Variants in ARHGAP12 observed in about 807,000 individuals in gnomAD.
ARHGAP12 encodes rho GTPase-activating protein 12.
ARHGAP12 carries 64 observed loss-of-function variants against 108.6 expected under a neutral mutation model. That is an observed-to-expected ratio of 0.59 (90% CI 0.48 to 0.73). The LOEUF (loss-of-function observed/expected upper bound fraction) is 0.73. Among genes scored for constraint, ARHGAP12 ranks in the 30% least tolerant of loss-of-function variants. The pLI is 0.00. For missense variants in ARHGAP12, 940 were observed against 1,005.9 expected (o/e 0.93, Z 0.89); for synonymous variants, 312 against 337.2 (o/e 0.93, Z 0.82).
intron 3 of ARHGAP12, among the ~76,000 whole-genome samples, chr10:31,894,050 C>T (rs1035010729): frequency 6.6e-6 from 1 of 152,150 alleles, no homozygotes; most frequent in African/African-American, 2.4e-5. Context: ...TTCAACAGCC[C>T]TTCATGCTAA....
chr10:31,837,161 A>G (rs1483220244), intron 9 of ARHGAP12, among the ~76,000 whole-genome samples: 2 of 152,244 alleles, frequency 1.3e-5, no homozygotes, highest in Non-Finnish European at 2.9e-5. Flanking sequence ...TAACAAAATG[A>G]AAATAATGTA....
chr10:31,814,458 C>T, intron 13 of ARHGAP12, 97 bp from the exon 14 acceptor site: 1 of 1,008,398 alleles, frequency 9.9e-7, no homozygotes. Context: ...AATGACTCTT[C>T]CAAACAATTT....
intron 1 of ARHGAP12, among the ~76,000 whole-genome samples, chr10:31,918,792 A>G (rs556180109): frequency 1.3e-5 from 2 of 152,380 alleles, no homozygotes; most frequent in African/African-American, 4.8e-5. Flanking sequence ...GTGGAAATGT[A>G]AAGTGGTACA....
intron 3 of ARHGAP12, among the ~76,000 whole-genome samples, chr10:31,876,546 CAAA>C (rs57573841): frequency 4.4e-5 from 6 of 136,662 alleles, no homozygotes; most frequent in African/African-American, 1.6e-4. Flanking sequence ...AAAAAACCAC[CAAA>C]AAAAAAAAAA....
intron 3 of ARHGAP12, among the ~76,000 whole-genome samples, chr10:31,902,132 T>A (rs917100139): frequency 4.6e-5 from 7 of 152,170 alleles, no homozygotes; most frequent in Non-Finnish European, 1.0e-4. Flanking sequence ...CTGATTTCGA[T>A]ACTTATTGTA....
chr10:31,856,862 T>C (rs1354519392), intron 4 of ARHGAP12, among the ~76,000 whole-genome samples: 1 of 152,064 alleles, frequency 6.6e-6, no homozygotes, highest in African/African-American at 2.4e-5. Context: ...ACACTAGAGA[T>C]ACAACAAATA....
chr10:31,817,298 T>G (rs570373335), intron 13 of ARHGAP12, among the ~76,000 whole-genome samples: 1 of 152,252 alleles, frequency 6.6e-6, no homozygotes, highest in African/African-American at 2.4e-5. Context: ...GGTTGTTGTA[T>G]ATAAAGAAGA....
chr10:31,888,998 C>T (rs1450347101), intron 3 of ARHGAP12, among the ~76,000 whole-genome samples: 2 of 152,036 alleles, frequency 1.3e-5, no homozygotes, highest in Admixed American at 1.3e-4. Context: ...CAACCTCTGC[C>T]TCCCAGGTTC....
chr10:31,867,323 G>C (rs1837365300), intron 3 of ARHGAP12, among the ~76,000 whole-genome samples: 1 of 152,030 alleles, frequency 6.6e-6, no homozygotes, highest in African/African-American at 2.4e-5. Flanking sequence ...GAAATACTCT[G>C]ATCTCTGGCA....
intron 6 of ARHGAP12, among the ~76,000 whole-genome samples, chr10:31,847,455 G>A (rs1336704704): frequency 1.3e-5 from 2 of 152,102 alleles, no homozygotes; most frequent in Admixed American, 6.5e-5. Flanking sequence ...GCTACCCAGA[G>A]GCCAGTCTGA....
chr10:31,839,857 G>T lies in ARHGAP12; in HGVS notation c.1297-146C>A, dbSNP rs191697821. The T allele has an allele frequency of 2.5e-3, 1,237 of 503,144 alleles. 7 individuals are homozygous for T. The highest frequency in any genetic ancestry group is 2.0e-3 in the Non-Finnish European group (586 of 300,168). 31.2% of individuals were successfully genotyped at this position (503,144 alleles called of 1,614,324 possible). ...CTATATTCAGCTCCAAGCTAATAAGGTAATGATTTTAAAACTACAAACGTT... is the reference window on the plus strand; with the variant it reads ...CTATATTCAGCTCCAAGCTAATAAGTTAATGATTTTAAAACTACAAACGTT... On this transcript the variant is annotated intron_variant, in intron 7 of 19. Coordinates refer to ENST00000344936, the MANE Select transcript of ARHGAP12 (RefSeq NM_018287.7).
At chr10:31,831,679 G>T in intron 10 of ARHGAP12, 60 bp downstream of exon 10, 2 of 1,169,170 alleles carry the variant, frequency 1.7e-6, no homozygotes, top group African/African-American at 1.6e-5. Flanking sequence ...TAATTATATT[G>T]AGAATTTTTA....
intron 3 of ARHGAP12, among the ~76,000 whole-genome samples, chr10:31,894,100 AAAT>A (rs1375126613): frequency 4.6e-5 from 7 of 152,186 alleles, no homozygotes; most frequent in Non-Finnish European, 1.0e-4. Context: ...ATGTATCTCA[AAAT>A]AATAAGAGCT....
Position 31,861,557 on chromosome 10 carries a change from G to C in ARHGAP12, c.786C>G (p.Ser262Arg). The C allele has an allele frequency of 1.2e-6, 2 of 1,614,136 alleles. No homozygotes were observed. Among genetic ancestry groups the C allele is most frequent in the African/African-American group, 1.3e-5 (1 of 75,020 alleles). The change falls in exon 4 of 20, where the codon AGC becomes AGG. Residue 262 changes from serine (S) to arginine (R), a missense_variant. By Grantham distance (110) the Ser-to-Arg change is moderately radical. Coordinates refer to ENST00000344936, the MANE Select transcript of ARHGAP12 (RefSeq NM_018287.7). ...ATTCTCCATTAATCTGAATTGCCGGGCTCCCAGGAAGTGGGGGAAGAGCAG... is the reference window on the plus strand; with the variant it reads ...ATTCTCCATTAATCTGAATTGCCGGCCTCCCAGGAAGTGGGGGAAGAGCAG... ...SQSALPPLPG[S>R]PAIQINGEWE...
intron 3 of ARHGAP12, among the ~76,000 whole-genome samples, chr10:31,877,867 A>T (rs1163492255): frequency 6.6e-6 from 1 of 152,194 alleles, no homozygotes; most frequent in African/African-American, 2.4e-5. Context: ...CAAGGCGGGC[A>T]CATAGCTTGA....
chr10:31,822,003 C>T (rs1009905175), intron 11 of ARHGAP12, among the ~76,000 whole-genome samples: 1 of 151,610 alleles, frequency 6.6e-6, no homozygotes, highest in African/African-American at 2.4e-5. Context: ...ATGGGTAGCT[C>T]TAAGCTAAGA....
intron 6 of ARHGAP12, among the ~76,000 whole-genome samples, chr10:31,848,800 C>T (rs978662222): frequency 1.3e-5 from 2 of 152,218 alleles, no homozygotes; most frequent in South Asian, 2.1e-4. Flanking sequence ...CGGCTAGGCG[C>T]GGTGGCTCAC....
chr10:31,846,508 T>C (rs1368743557), intron 6 of ARHGAP12, among the ~76,000 whole-genome samples: 1 of 152,220 alleles, frequency 6.6e-6, no homozygotes, highest in African/African-American at 2.4e-5. Context: ...CACAGTTCTT[T>C]TCTTCTAGCA....
intron 15 of ARHGAP12, 168 bp downstream of exon 15, chr10:31,812,539 T>C: frequency 6.5e-6 from 3 of 458,828 alleles, no homozygotes; most frequent in South Asian, 8.4e-5. Context: ...TAAAATAAAC[T>C]TTCAAAAAAA....
Sources: allele counts gnomAD v4.1 joint callset (sites outside exome capture counted in the v4.1 genomes callset), GRCh38; gene constraint gnomAD v4.1.1; transcripts MANE v1.5; gene names NCBI Gene and HGNC (gene_info 2026-07-23, HGNC 2026-07-21).